DLGAP2: variants seen among roughly 807,000 people sequenced by gnomAD.
DLGAP2 encodes disks large-associated protein 2.
Under a neutral mutation model 100.3 loss-of-function variants are expected in DLGAP2, and 26 were observed. That is an observed-to-expected ratio of 0.26 (90% confidence interval 0.19 to 0.36). The LOEUF is 0.36. Among genes scored for constraint, DLGAP2 ranks in the 10% least tolerant of loss-of-function variants. The pLI is 1.00. For synonymous variants in DLGAP2, 886 were observed against 630.1 expected (o/e 1.41, Z -6.08); for missense variants, 1,858 against 1,453.2 (o/e 1.28, Z -4.53).
intron 1 of DLGAP2, among the ~76,000 whole-genome samples, chr8:744,390 G>T (rs895692074): frequency 6.6e-6 from 1 of 152,196 alleles, no homozygotes; most frequent in African/African-American, 2.4e-5. Context: ...GCCCTGGGTC[G>T]CATCTAATGA....
intron 2 of DLGAP2, among the ~76,000 whole-genome samples, chr8:1,102,312 CATA>C (rs200503751): frequency 0.01 from 1,502 of 146,382 alleles, 11 homozygotes; most frequent in Middle Eastern, 0.018. Context: ...TATATAATTA[CATA>C]ATAATATATA....
At chr8:883,917 T>G (rs531906329) in intron 1 of DLGAP2, among the ~76,000 whole-genome samples, 25 of 152,356 alleles carry the variant, frequency 1.6e-4, no homozygotes, top group African/African-American at 5.5e-4. Flanking sequence ...TGTGTTAGTT[T>G]GCTGAGGATA....
At chr8:750,999 G>A (rs1820775844) in intron 1 of DLGAP2, among the ~76,000 whole-genome samples, 1 of 152,224 alleles carries the variant, frequency 6.6e-6, no homozygotes, top group South Asian at 2.1e-4. Flanking sequence ...CAGCAAACAG[G>A]TGTCGGTAGG....
intron 7 of DLGAP2, 108 bp downstream of exon 7, chr8:1,626,995 C>G: frequency 7.3e-7 from 1 of 1,378,424 alleles, no homozygotes; most frequent in Non-Finnish European, 9.8e-7. Flanking sequence ...TGGTCAGCAG[C>G]ACTTGGGCAA....
intron 2 of DLGAP2, among the ~76,000 whole-genome samples, chr8:1,005,800 T>C (rs542119304): frequency 1.3e-5 from 2 of 152,244 alleles, no homozygotes; most frequent in East Asian, 3.9e-4. Context: ...TGTACTTGTA[T>C]TGAGTGTCCC....
intron 1 of DLGAP2, among the ~76,000 whole-genome samples, chr8:780,571 A>T (rs538252847): frequency 6.6e-6 from 1 of 152,278 alleles, no homozygotes; most frequent in South Asian, 2.1e-4. Context: ...CATTTCACTA[A>T]TTTACCTTCC....
chr8:1,669,438 A>G (rs1304578315), intron 9 of DLGAP2, among the ~76,000 whole-genome samples: 2 of 152,220 alleles, frequency 1.3e-5, no homozygotes, highest in African/African-American at 4.8e-5. Context: ...TGGGTCAGGT[A>G]GCGCATCCCT....
At chr8:1,699,708 C>T (rs559381431) in intron 14 of DLGAP2, among the ~76,000 whole-genome samples, 6 of 152,314 alleles carry the variant, frequency 3.9e-5, no homozygotes, top group South Asian at 4.1e-4. Flanking sequence ...GCAGAGGCTC[C>T]GTGCCTGAAC....
At chr8:1,287,684 G>T (rs1419887950) in intron 3 of DLGAP2, among the ~76,000 whole-genome samples, 1 of 122,058 alleles carries the variant, frequency 8.2e-6, no homozygotes, top group Non-Finnish European at 1.6e-5. Context: ...AGGGGAACTA[G>T]TTTCGGTTCA....
chr8:915,822 C>G (rs527872501), intron 2 of DLGAP2, among the ~76,000 whole-genome samples: 2 of 150,926 alleles, frequency 1.3e-5, no homozygotes, highest in South Asian at 2.1e-4. Flanking sequence ...ATTGTAGACT[C>G]TCCCCACTCT....
chr8:854,771 C>T (rs929234015), intron 1 of DLGAP2, among the ~76,000 whole-genome samples: 1 of 152,156 alleles, frequency 6.6e-6, no homozygotes, highest in African/African-American at 2.4e-5. Flanking sequence ...TAGGGCCTGC[C>T]TCAGTGGCAG....
intron 2 of DLGAP2, among the ~76,000 whole-genome samples, chr8:1,037,655 T>G (rs575170962): frequency 4.6e-5 from 7 of 152,228 alleles, no homozygotes; most frequent in Admixed American, 6.5e-5. Flanking sequence ...TAGTGAGCAG[T>G]GGCTCTGCCC....
chr8:1,032,179 C>G (rs891390183), intron 2 of DLGAP2, among the ~76,000 whole-genome samples: 1 of 152,246 alleles, frequency 6.6e-6, no homozygotes, highest in Non-Finnish European at 1.5e-5. Context: ...CATCCATCGA[C>G]GCTGGGAGCT....
At chr8:1,574,089 A>G (rs1185340205) in intron 6 of DLGAP2, among the ~76,000 whole-genome samples, 1 of 152,186 alleles carries the variant, frequency 6.6e-6, no homozygotes, top group East Asian at 1.9e-4. Context: ...GTAGGAGAGC[A>G]TCAGCCCTGC....
At chr8:1,371,373 A>G (rs183560054) in intron 3 of DLGAP2, among the ~76,000 whole-genome samples, 42 of 152,324 alleles carry the variant, frequency 2.8e-4, no homozygotes, top group Admixed American at 1.8e-3. Flanking sequence ...GCAGAGGTTC[A>G]GAGCAGTTGT....
chr8:1,360,191 G>T (rs1371251866), intron 3 of DLGAP2, among the ~76,000 whole-genome samples: 1 of 149,178 alleles, frequency 6.7e-6, no homozygotes, highest in Non-Finnish European at 1.5e-5. Context: ...TGCTTCCCGG[G>T]TGTGCTCAGG....
In DLGAP2 at chr8:881,672, C is replaced by CAT. The variant is rs1407110849; in HGVS notation, c.19-26239_19-26238insTA. 1.9e-3 allele frequency among the ~76,000 whole-genome samples: 101 copies of CAT among 53,556 alleles called. 1 individual carries two copies. Among genetic ancestry groups the CAT allele is most frequent in the Middle Eastern group, 8.6e-3 (1 of 116 alleles). The allele number at this position is 53,556 out of a possible 152,430, so 35.1% of individuals were successfully genotyped here. A position where few individuals can be genotyped will look rare whatever the true frequency, so the allele number is the denominator to read the frequency against. Reference sequence around the variant, plus strand: ...ACGCCACCACTTGTGGCTGAACACACACACACACACTTTTTTTTTTTTTTT... The same window carrying CAT: ...ACGCCACCACTTGTGGCTGAACACACATACACACACACTTTTTTTTTTTTTTT... On this transcript the variant is annotated intron_variant, in intron 1 of 14. Coordinates refer to ENST00000637795, the MANE Select transcript of DLGAP2 (RefSeq NM_001346810.2).
intron 1 of DLGAP2, among the ~76,000 whole-genome samples, chr8:899,340 C>A (rs185453060): frequency 6.6e-6 from 1 of 152,336 alleles, no homozygotes; most frequent in Admixed American, 6.5e-5. Context: ...CCTGAGCAGC[C>A]TATCTGATGC....
intron 1 of DLGAP2, among the ~76,000 whole-genome samples, chr8:778,117 C>G (rs1482112747): frequency 1.3e-5 from 2 of 152,150 alleles, no homozygotes; most frequent in Non-Finnish European, 2.9e-5. Flanking sequence ...CGCTGATACC[C>G]TTTCTTCCAG....
Sources: allele counts gnomAD v4.1 joint callset (sites outside exome capture counted in the v4.1 genomes callset), GRCh38; gene constraint gnomAD v4.1.1; transcripts MANE v1.5; gene names NCBI Gene and HGNC (gene_info 2026-07-23, HGNC 2026-07-21).